The following GFAP variants were observed in gnomAD, a reference collection of about 807,000 sequenced individuals.
The protein encoded by GFAP is glial fibrillary acidic protein, also known as intermediate filament protein.
In GFAP, 38 loss-of-function variants were observed where a neutral mutation model predicts 49.3. The ratio of observed to expected loss-of-function variants is 0.77; its 90% confidence interval spans 0.60 to 1.01. The LOEUF (loss-of-function observed/expected upper bound fraction) is 1.01. Ranked by LOEUF, GFAP falls within the 50% of genes least tolerant of loss-of-function variation. GFAP has a pLI of 0.00. For missense variants in GFAP, 463 were observed against 579.1 expected (o/e 0.80, Z 2.06); for synonymous variants, 222 against 236.4 (o/e 0.94, Z 0.56).
intron 8 of GFAP, chr17:44,907,781 C>T: frequency 1.7e-6 from 1 of 572,488 alleles, no homozygotes; most frequent in South Asian, 2.0e-5. Flanking sequence ...CTCTTTCTCT[C>T]CCTGGCAAGC....
chr17:44,908,183 C>T (rs1169039267), intron 7 of GFAP, 34 bp from the exon 8 acceptor site: 21 of 1,458,700 alleles, frequency 1.4e-5, no homozygotes, highest in Non-Finnish European at 1.9e-5. Context: ...CTCTCATGGA[C>T]TTTCAGGGCA....
rs1567766112 is a variant in GFAP at position 44,903,577 on chromosome 17, G to A, written c.*3770C>T. Reference sequence around the variant, plus strand: ...CCAGTGTTCTAGAAAGGGGAGTAAAGGCCAGGTTCTAGAATGGCTTTCCCC... The same window carrying A: ...CCAGTGTTCTAGAAAGGGGAGTAAAAGCCAGGTTCTAGAATGGCTTTCCCC... On this transcript the variant is annotated 3_prime_UTR_variant, in exon 9 of 9. Transcript: ENST00000588735. The A allele has an allele frequency of 1.4e-6, 2 of 1,394,434 alleles. No homozygotes were observed. The highest frequency in any genetic ancestry group is 1.8e-6 in the Non-Finnish European group (2 of 1,081,328). The allele number at this position is 1,394,434 out of a possible 1,614,324, so 86.4% of individuals were successfully genotyped here.
In GFAP at chr17:44,911,338, A is replaced by G. The variant is rs2145632874; in HGVS notation, c.1025T>C (p.Met342Thr). The change falls in exon 6 of 9, where the codon ATG (methionine) becomes ACG (threonine). Residue 342 changes from methionine (M) to threonine (T), a missense_variant. Transcript: ENST00000588735. Reference sequence around the variant, plus strand: ...CTGGTACTCCTGCAAGTGGCGGGCCATCTCGTCCTTGAGGCTCTGCCCCTC... The same window carrying G: ...CTGGTACTCCTGCAAGTGGCGGGCCGTCTCGTCCTTGAGGCTCTGCCCCTC... ...EEEGQSLKDE[M>T]ARHLQEYQDL... is the part of the protein sequence containing the mutation. 2 of 1,614,138 alleles carry G rather than the reference A, an allele frequency of 1.2e-6. No homozygotes were observed. The highest frequency in any genetic ancestry group is 1.7e-6 in the Non-Finnish European group (2 of 1,180,004).
Position 44,907,126 on chromosome 17 carries a change from T to G in GFAP, c.*221A>C. Reference sequence around the variant, plus strand: ...CTGCCCCTTGGGGGTGAGTTTCTTGTTAGTTGGAGTTGCTGGGTGCTGGGT... The same window carrying G: ...CTGCCCCTTGGGGGTGAGTTTCTTGGTAGTTGGAGTTGCTGGGTGCTGGGT... On this transcript the variant is annotated 3_prime_UTR_variant, in exon 9 of 9. Coordinates refer to ENST00000588735, the MANE Select transcript of GFAP (RefSeq NM_002055.5). The G allele has an allele frequency of 5.0e-6, 3 of 595,550 alleles. No homozygotes were observed. The highest frequency in any genetic ancestry group is 9.1e-6 in the Non-Finnish European group (3 of 330,408). 36.9% of individuals were successfully genotyped at this position (595,550 alleles called of 1,614,324 possible). A position where few individuals can be genotyped will look rare whatever the true frequency, so the allele number is the denominator to read the frequency against.
In GFAP at chr17:44,915,288, C is replaced by A. The variant is rs1364674732; in HGVS notation, c.199G>T (p.Ala67Ser). 1 of 1,614,140 alleles carries A rather than the reference C, an allele frequency of 6.2e-7. No homozygotes were observed. Reference sequence around the variant, plus strand: ...TCCATCATCTCTGCCCGCTCACTGGCCCGGGTCTCCTTGAAGCCAGCATTG... The same window carrying A: ...TCCATCATCTCTGCCCGCTCACTGGACCGGGTCTCCTTGAAGCCAGCATTG... ...ALNAGFKETR[A>S]SERAEMMELN... is the part of the protein sequence containing the mutation. The change falls in exon 1 of 9, where the codon GCC (alanine) becomes TCC (serine). Residue 67 changes from alanine to serine, a missense_variant. Ala to Ser is a moderately conservative substitution (Grantham distance 99). Around this residue, in one of 3 missense-constraint regions of GFAP, gnomAD observed 12 missense variants for 46.1 expected, o/e 0.26. Coordinates refer to ENST00000588735, the MANE Select transcript of GFAP (RefSeq NM_002055.5). This position sits in a 1 kb window ranked among gnomAD's most constrained non-coding sequence, Gnocchi z 4.1.
chr17:44,911,371 A>C lies in GFAP; in HGVS notation c.992T>G (p.Leu331Arg). ...CTTGAGGCTCTGCCCCTCTTCCTCC[A>C]GCCGCGCCAGCGCCTCCTGATAACT... ...AASYQEALARLEEEGQSLKDE... is the reference protein window; with the variant it reads ...AASYQEALARREEEGQSLKDE... Residue 331 changes from leucine to arginine, a missense_variant, in exon 6 of 9, where the codon CTG becomes CGG. Coordinates refer to ENST00000588735, the MANE Select transcript of GFAP (RefSeq NM_002055.5). The C allele has an allele frequency of 6.2e-7, 1 of 1,614,062 alleles. No individual in the cohort carries two copies. The highest frequency in any genetic ancestry group is 1.1e-5 in the South Asian group (1 of 91,076).
At position 44,908,458 on chromosome 17, in the gene GFAP, G is replaced by A. The variant is rs552059867; in HGVS notation, c.1172-309C>T. The A allele has an allele frequency of 1.9e-5, 5 of 265,786 alleles. No individual in the cohort carries two copies. The East Asian group carries it at 2.3e-4, about 12-fold the overall frequency. The allele number at this position is 265,786 out of a possible 1,614,324, so 16.5% of individuals were successfully genotyped here. On this transcript the variant is annotated intron_variant, in intron 7 of 8. Transcript: ENST00000588735. ...GAAATCAGGAGACCAGGAGGGGTGC[G>A]GTGGCTCACACCTATAATGCCATCA...
rs1424634782 is a variant in GFAP, at chr17:44,904,495, G to A, written c.*2852C>T. On this transcript the variant is annotated 3_prime_UTR_variant, in exon 9 of 9. Transcript: ENST00000588735. Reference sequence around the variant, plus strand: ...GTGGCTCAAGGGCTGTGCCAAGGAAGCTGCGGACCAAGGCCAGGGACCACA... The same window carrying A: ...GTGGCTCAAGGGCTGTGCCAAGGAAACTGCGGACCAAGGCCAGGGACCACA... 30 of 1,548,788 alleles carry A rather than the reference G, an allele frequency of 1.9e-5. No individual in the cohort carries two copies. Among genetic ancestry groups the A allele is most frequent in the Non-Finnish European group, 2.5e-5 (29 of 1,145,912 alleles).
chr17:44,905,166 G>T lies in GFAP; in HGVS notation c.*2181C>A, dbSNP rs948863701. 1.0e-5 allele frequency: 10 copies of T among 963,006 alleles called. No homozygotes were observed. The highest frequency in any genetic ancestry group is 1.5e-5 in the Non-Finnish European group (10 of 648,102). The allele number at this position is 963,006 out of a possible 1,614,324, so 59.7% of individuals were successfully genotyped here. On this transcript the variant is annotated 3_prime_UTR_variant, in exon 9 of 9. Transcript: ENST00000588735. ...GTGGGTACCCTGGGTTGGGACAGGT[G>T]GTAGGAACATGTGGACAAATCTGTT...
chr17:44,904,143 T>A lies in GFAP; in HGVS notation c.*3204A>T, dbSNP rs1272019760. On this transcript the variant is annotated 3_prime_UTR_variant, in exon 9 of 9. Transcript: ENST00000588735. ...AGCGACATGCTGACCCGCTTCAGCA[T>A]CCGCATGTTCAGCTTGTTGGTTTTC... The A allele has an allele frequency of 6.5e-7, 1 of 1,550,204 alleles. No individual in the cohort carries two copies. The highest frequency in any genetic ancestry group is 8.7e-7 in the Non-Finnish European group (1 of 1,146,732).
At chr17:44,912,917 T>C (rs1182782795) in intron 4 of GFAP, 1 of 336,260 alleles carries the variant, frequency 3.0e-6, no homozygotes. Flanking sequence ...CTCTACCACT[T>C]AGGAGCTGTG....
Position 44,904,038 on chromosome 17 carries a change from A to G in GFAP, c.*3309T>C. ...GCTGTAGTCTGGTTCTACCAAAAGC[A>G]CCTAGGTAGCAGCCACACCAAAGTG... On this transcript the variant is annotated 3_prime_UTR_variant, in exon 9 of 9. Transcript: ENST00000588735. 1 of 1,550,598 alleles carries G rather than the reference A, an allele frequency of 6.4e-7. No individual in the cohort carries two copies. Among genetic ancestry groups the G allele is most frequent in the Non-Finnish European group, 8.7e-7 (1 of 1,146,992 alleles).
Position 44,906,278 on chromosome 17 carries a change from T to C in GFAP, c.*1069A>G. The C allele has an allele frequency of 6.6e-6, 1 of 152,308 alleles. No individual in the cohort carries two copies. The highest frequency in any genetic ancestry group is 1.9e-4 in the East Asian group (1 of 5,198). The allele number at this position is 152,308 out of a possible 1,614,324, so 9.4% of individuals were successfully genotyped here. A position where few individuals can be genotyped will look rare whatever the true frequency, so the allele number is the denominator to read the frequency against. On this transcript the variant is annotated 3_prime_UTR_variant, in exon 9 of 9. Coordinates refer to ENST00000588735, the MANE Select transcript of GFAP (RefSeq NM_002055.5). Reference sequence around the variant, plus strand: ...CAGCATCTTCAAGAGGATGAGTCACTTCCTTAATTCCCACAATCCAGAGGC... The same window carrying C: ...CAGCATCTTCAAGAGGATGAGTCACCTCCTTAATTCCCACAATCCAGAGGC...
chr17:44,913,410 C>G lies in GFAP; in HGVS notation c.639G>C (p.Glu213Asp), dbSNP rs768024054. Residue 213 changes from glutamate to aspartate, a missense_variant, in exon 4 of 9, where the codon GAG becomes GAC. Around this residue, in one of 3 missense-constraint regions of GFAP, gnomAD observed 362 missense variants for 445.5 expected, o/e 0.81. Transcript: ENST00000588735. ...IHEEEVRELQ[E>D]QLARQQVHVE... ...CATGGACCTGCTGTCGGGCCAGCTG[C>G]TCCTGGAGTTCCCGAACCTCCTGAC... 4 of 1,614,130 alleles carry G rather than the reference C, an allele frequency of 2.5e-6. No individual in the cohort carries two copies. The highest frequency in any genetic ancestry group is 1.3e-5 in the African/African-American group (1 of 75,050).
At chr17:44,907,809 G>T in intron 8 of GFAP, 1 of 592,936 alleles carries the variant, frequency 1.7e-6, no homozygotes, top group Non-Finnish European at 3.0e-6. Context: ...CCGAGTTTGA[G>T]GGTGAGAAAG....
chr17:44,914,317 A>C (rs952857018), intron 1 of GFAP: 2 of 568,194 alleles, frequency 3.5e-6, no homozygotes, highest in Admixed American at 3.1e-5. Flanking sequence ...GGGTTGGTGC[A>C]CCTGCTTCTG....
At chr17:44,909,841 C>T in intron 7 of GFAP, 1 of 1,241,326 alleles carries the variant, frequency 8.1e-7, no homozygotes, top group South Asian at 2.1e-5. Flanking sequence ...AAGGGGCCCT[C>T]CCAGTGACAG....
intron 1 of GFAP, 91 bp downstream of exon 1, chr17:44,914,935 T>A (rs1597863715): frequency 1.8e-6 from 2 of 1,138,926 alleles, no homozygotes; most frequent in Middle Eastern, 2.8e-4. Context: ...AGCAGGGAGG[T>A]TCGGCCCCTC....
chr17:44,905,411 T>C lies in GFAP; in HGVS notation c.*1936A>G. 4.2e-6 allele frequency: 1 copy of C among 240,856 alleles called. No homozygotes were observed. Among genetic ancestry groups the C allele is most frequent in the African/African-American group, 2.3e-5 (1 of 43,748 alleles). 14.9% of individuals were successfully genotyped at this position (240,856 alleles called of 1,614,324 possible). On this transcript the variant is annotated 3_prime_UTR_variant, in exon 9 of 9. Coordinates refer to ENST00000588735, the MANE Select transcript of GFAP (RefSeq NM_002055.5). ...TCATGTTTGAGCTGCTTTGCTTTCT[T>C]GCCTATGAAGATTGTGCTGGTTGAG...
Sources: gnomAD v4.1 joint callset for allele counts on GRCh38, gnomAD v4.1.1 for gene constraint, gnomAD v4.1.1 regional missense constraint, Gnocchi (gnomAD v3.1) non-coding constraint, MANE v1.5 for transcripts, NCBI Gene and HGNC (gene_info 2026-07-23, HGNC 2026-07-21) for gene names.